Variants in UGT3A1 observed in about 807,000 individuals in gnomAD.
UGT3A1 encodes UDP glycosyltransferase family 3 member A1.
UGT3A1 carries 40 observed loss-of-function variants against 37.6 expected under a neutral mutation model. The observed-to-expected ratio is 1.06, with a 90% CI of 0.83 to 1.38. The LOEUF (loss-of-function observed/expected upper bound fraction) is 1.38, where lower values mean the gene tolerates loss of function less well. Among genes scored for constraint, UGT3A1 ranks in the 40% most tolerant of loss-of-function variants. The probability of loss-of-function intolerance (pLI) is 0.00; values close to 1 mark genes in which losing one functional copy is unlikely to be tolerated. For missense variants in UGT3A1, 642 were observed against 634.2 expected (o/e 1.01, Z -0.13); for synonymous variants, 256 against 232.3 (o/e 1.10, Z -0.93).
rs1447375668 is a variant in UGT3A1, at chr5:35,951,645, A to G, written c.*2557T>C. 6.6e-6 allele frequency: 1 copy of G among 152,158 alleles called. No homozygotes were observed. The highest frequency in any genetic ancestry group is 1.5e-5 in the Non-Finnish European group (1 of 68,032). 9.4% of individuals were successfully genotyped at this position (152,158 alleles called of 1,614,324 possible). A position where few individuals can be genotyped will look rare whatever the true frequency, so the allele number is the denominator to read the frequency against. Reference sequence around the variant, plus strand: ...TGCAGCTATGTTTCTCCAACTTTTTAATTTGGATCGCTAATCTTCTTACCA... The same window carrying G: ...TGCAGCTATGTTTCTCCAACTTTTTGATTTGGATCGCTAATCTTCTTACCA... On this transcript the variant is annotated 3_prime_UTR_variant, in exon 7 of 7. Coordinates refer to ENST00000274278, the MANE Select transcript of UGT3A1 (RefSeq NM_152404.4).
At chr5:35,988,387 A>T in intron 2 of UGT3A1, 63 bp downstream of exon 2, 1 of 1,268,044 alleles carries the variant, frequency 7.9e-7, no homozygotes, top group Non-Finnish European at 1.1e-6. Context: ...GCTGTATAAA[A>T]AATATATTAT....
chr5:35,976,643 C>T (rs1740281813), intron 2 of UGT3A1, among the ~76,000 whole-genome samples: 1 of 152,018 alleles, frequency 6.6e-6, no homozygotes, highest in South Asian at 2.1e-4. Context: ...AGTTTGAGGT[C>T]AGCCTGGGCA....
chr5:35,990,922 A>G (rs990487304), intron 1 of UGT3A1: 4 of 1,408,570 alleles, frequency 2.8e-6, no homozygotes, highest in Non-Finnish European at 3.7e-6. Context: ...ACAAGAAGAG[A>G]GAAGAAAGGA....
At chr5:35,988,147 C>A (rs756531129) in intron 2 of UGT3A1, among the ~76,000 whole-genome samples, 1 of 152,142 alleles carries the variant, frequency 6.6e-6, no homozygotes, top group South Asian at 2.1e-4. Flanking sequence ...TTCAAAAAAA[C>A]TTTAAGCCAT....
chr5:35,951,815 A>G lies in UGT3A1; in HGVS notation c.*2387T>C, dbSNP rs1319924777. ...CTTTTTCTCTTAGACTCAGCATGGT[A>G]TCATTTTTTGTACCTAGATATCTGG... On this transcript the variant is annotated 3_prime_UTR_variant, in exon 7 of 7. Coordinates refer to ENST00000274278, the MANE Select transcript of UGT3A1 (RefSeq NM_152404.4). 2.6e-5 allele frequency: 4 copies of G among 152,152 alleles called. No homozygotes were observed. Among genetic ancestry groups the G allele is most frequent in the Non-Finnish European group, 4.4e-5 (3 of 68,022 alleles). 9.4% of individuals were successfully genotyped at this position (152,152 alleles called of 1,614,324 possible).
At chr5:35,979,100 A>C (rs1366552254) in intron 2 of UGT3A1, among the ~76,000 whole-genome samples, 1 of 152,092 alleles carries the variant, frequency 6.6e-6, no homozygotes. Context: ...TGTCTTTGCA[A>C]GGTATAGACT....
chr5:35,972,264 C>CT (rs993366184), intron 2 of UGT3A1, among the ~76,000 whole-genome samples: 2 of 152,024 alleles, frequency 1.3e-5, no homozygotes, highest in African/African-American at 4.8e-5. Flanking sequence ...AATCAGTTGA[C>CT]TTTAAGTAAG....
chr5:35,987,384 A>G (rs1740768934), intron 2 of UGT3A1, among the ~76,000 whole-genome samples: 1 of 152,174 alleles, frequency 6.6e-6, no homozygotes, highest in Non-Finnish European at 1.5e-5. Flanking sequence ...ACCCAAAGAT[A>G]AAGCTGAACA....
Position 35,954,703 on chromosome 5 carries a change from A to G in UGT3A1, c.1296-225T>C, listed in dbSNP as rs561005853. On this transcript the variant is annotated intron_variant, in intron 6 of 6. Transcript: ENST00000274278. ...ATACAAAGACCAATGATTAATTCTA[A>G]AAGTGTTAAACTGTAGGAAAGTGAT... The G allele has an allele frequency of 1.0e-5, 6 of 575,988 alleles. No individual in the cohort carries two copies. In the Admixed American group the frequency reaches 1.5e-4, roughly 15 times the overall value. The allele number at this position is 575,988 out of a possible 1,614,324, so 35.7% of individuals were successfully genotyped here. A position where few individuals can be genotyped will look rare whatever the true frequency, so the allele number is the denominator to read the frequency against.
chr5:35,979,036 G>C (rs1362040492), intron 2 of UGT3A1, among the ~76,000 whole-genome samples: 2 of 152,046 alleles, frequency 1.3e-5, no homozygotes, highest in Non-Finnish European at 2.9e-5. Context: ...CTCACATCTG[G>C]GTCACACTGA....
intron 3 of UGT3A1, among the ~76,000 whole-genome samples, chr5:35,966,580 G>A (rs998856605): frequency 1.3e-5 from 2 of 152,156 alleles, no homozygotes; most frequent in Admixed American, 6.5e-5. Context: ...CTGACACCTA[G>A]TTAAGACTCT....
At chr5:35,988,268 T>C (rs1740800730) in intron 2 of UGT3A1, among the ~76,000 whole-genome samples, 182 bp downstream of exon 2, 1 of 152,166 alleles carries the variant, frequency 6.6e-6, no homozygotes, top group African/African-American at 2.4e-5. Context: ...ATGTGAAGTC[T>C]TAGTCTACAG....
At chr5:35,992,770 C>G (rs1293098754), upstream of UGT3A1, among the ~76,000 whole-genome samples, 2 of 152,074 alleles carry the variant, frequency 1.3e-5, no homozygotes, top group Non-Finnish European at 2.9e-5. Context: ...GAGCACAAAA[C>G]TTGATGATAT....
chr5:35,975,522 A>T (rs1227237569), intron 2 of UGT3A1, among the ~76,000 whole-genome samples: 1 of 152,366 alleles, frequency 6.6e-6, no homozygotes, highest in East Asian at 1.9e-4. Flanking sequence ...ACTGATGTGG[A>T]ATTCTACACA....
chr5:35,960,573 C>A (rs137956824), intron 4 of UGT3A1, among the ~76,000 whole-genome samples: 168 of 152,294 alleles, frequency 1.1e-3, no homozygotes, highest in African/African-American at 3.8e-3. Flanking sequence ...TCTGGCCCCA[C>A]AGCAGTATAT....
At chr5:35,959,537 C>T (rs1739493044) in intron 4 of UGT3A1, among the ~76,000 whole-genome samples, 1 of 151,698 alleles carries the variant, frequency 6.6e-6, no homozygotes, top group South Asian at 2.1e-4. Flanking sequence ...ATTTTTGGAG[C>T]TCAAATATGA....
In UGT3A1 at chr5:35,955,661, C is replaced by T. The variant is rs371222114; in HGVS notation, c.1279G>A (p.Val427Ile). Residue 427 changes from valine to isoleucine, a missense_variant, in exon 6 of 7, where the codon GTC (valine) becomes ATC (isoleucine). Val to Ile is a conservative substitution (Grantham distance 29). Coordinates refer to ENST00000274278, the MANE Select transcript of UGT3A1 (RefSeq NM_152404.4). The stretch of plus-strand genomic sequence containing the variant: ...GCCACATACCTCTTGTCTTCTATGA[C>T]TTGTTTCATTGTAAGTGTCAGTGTG... ...ADTLTLTMKQVIEDKRYKSAV... is the reference protein window; with the variant it reads ...ADTLTLTMKQIIEDKRYKSAV... 6.2e-7 allele frequency: 1 copy of T among 1,614,108 alleles called. No homozygotes were observed. The highest frequency in any genetic ancestry group is 8.5e-7 in the Non-Finnish European group (1 of 1,180,062).
At position 35,988,498 on chromosome 5, in the gene UGT3A1, C is replaced by T. The variant is rs1238235881; in HGVS notation, c.148G>A (p.Gly50Ser). Reference sequence around the variant, plus strand: ...TGATGAAGCATAGTCACATTATGACCATGCTCTTGAAGAATCTGAGACACC... The same window carrying T: ...TGATGAAGCATAGTCACATTATGACTATGCTCTTGAAGAATCTGAGACACC... The part of the protein sequence containing the change: ...DRVSQILQEH[G>S]HNVTMLHQSG... The change falls in exon 2 of 7, where the codon GGT becomes AGT. Residue 50 changes from glycine (G) to serine (S), a missense_variant. Physicochemically the swap from Gly to Ser is moderately conservative, Grantham distance 56. Transcript: ENST00000274278. The T allele has an allele frequency of 6.2e-7, 1 of 1,612,638 alleles. No individual in the cohort carries two copies. The highest frequency in any genetic ancestry group is 8.5e-7 in the Non-Finnish European group (1 of 1,179,360).
At position 35,991,220 on chromosome 5, in the gene UGT3A1, C is replaced by A. The variant is rs749945464; in HGVS notation, c.21G>T (p.Leu7=). The A allele has an allele frequency of 6.2e-7, 1 of 1,614,244 alleles. No homozygotes were observed. The highest frequency in any genetic ancestry group is 1.7e-5 in the Admixed American group (1 of 60,036). ...CAGAAAGAAGGAAGGCCACTAGAAG[C>A]AGCACCCGCTGCCCAACCATGCTCA... The part of the protein sequence containing the change: MVGQRV[L]LLVAFLLSGV... Residue 7 remains leucine, a synonymous_variant, in exon 1 of 7, where the codon CTG becomes CTT. Transcript: ENST00000274278.
Sources: allele counts gnomAD v4.1 joint callset (sites outside exome capture counted in the v4.1 genomes callset), GRCh38; gene constraint gnomAD v4.1.1; transcripts MANE v1.5; gene names NCBI Gene and HGNC (gene_info 2026-07-23, HGNC 2026-07-21).